CERKL: variants seen among roughly 807,000 people sequenced by gnomAD.
The protein encoded by CERKL is CERK like autophagy regulator.
CERKL carries 61 observed loss-of-function variants against 63.4 expected under a neutral mutation model. The ratio of observed to expected loss-of-function variants is 0.96; its 90% CI spans 0.78 to 1.19. CERKL has a LOEUF of 1.19. Among genes scored for constraint, CERKL ranks in the 50% most tolerant of loss-of-function variants. The pLI, the probability that CERKL is intolerant of heterozygous loss-of-function variation, is 0.00. For missense variants in CERKL, 675 were observed against 655.5 expected (o/e 1.03, Z -0.33); for synonymous variants, 250 against 230.5 (o/e 1.08, Z -0.77).
intron 2 of CERKL, among the ~76,000 whole-genome samples, chr2:181,589,775 C>T (rs559253958): frequency 2.6e-5 from 4 of 152,190 alleles, no homozygotes; most frequent in South Asian, 2.1e-4. Flanking sequence ...AATGCAAAAG[C>T]CAGAGCCAAT....
At chr2:181,634,604 G>A (rs953085562) in intron 1 of CERKL, among the ~76,000 whole-genome samples, 6 of 151,952 alleles carry the variant, frequency 3.9e-5, no homozygotes, top group African/African-American at 1.5e-4. Context: ...TCTTATAAAG[G>A]GACTTACCAA....
At chr2:181,586,348 A>G (rs1684766161) in intron 2 of CERKL, among the ~76,000 whole-genome samples, 1 of 152,176 alleles carries the variant, frequency 6.6e-6, no homozygotes, top group Non-Finnish European at 1.5e-5. Context: ...AACACAAGGC[A>G]TCAGGTAGTC....
At chr2:181,556,174 T>C (rs193057901) in intron 5 of CERKL, among the ~76,000 whole-genome samples, 119 of 152,208 alleles carry the variant, frequency 7.8e-4, no homozygotes, top group African/African-American at 2.6e-3. Context: ...TGCCAGGCTA[T>C]TGAGTACCTC....
chr2:181,611,236 TAATA>T (rs1559104854), intron 1 of CERKL, among the ~76,000 whole-genome samples: 1 of 150,714 alleles, frequency 6.6e-6, no homozygotes, highest in Non-Finnish European at 1.5e-5. Context: ...AAAATAATAA[TAATA>T]AATAAAAATA....
At chr2:181,557,300 C>A (rs928796293) in intron 5 of CERKL, among the ~76,000 whole-genome samples, 2 of 152,166 alleles carry the variant, frequency 1.3e-5, no homozygotes, top group African/African-American at 4.8e-5. Context: ...GTGTTTTAGA[C>A]ACGAAGTCCT....
intron 2 of CERKL, among the ~76,000 whole-genome samples, chr2:181,574,403 T>C (rs1477828810): frequency 6.6e-6 from 1 of 152,152 alleles, no homozygotes; most frequent in African/African-American, 2.4e-5. Context: ...CAGTACCAAG[T>C]GCAGTGCATG....
chr2:181,549,070 CT>C (rs2105804584), intron 6 of CERKL, among the ~76,000 whole-genome samples: 1 of 152,242 alleles, frequency 6.6e-6, no homozygotes, highest in Non-Finnish European at 1.5e-5. Context: ...ACACAGAGTA[CT>C]AAATTTTTCA....
intron 1 of CERKL, among the ~76,000 whole-genome samples, chr2:181,627,816 C>T (rs188289763): frequency 3.9e-5 from 6 of 152,240 alleles, no homozygotes; most frequent in Non-Finnish European, 2.9e-5. Flanking sequence ...CTAGATGTTG[C>T]GATAGCACAC....
chr2:181,579,675 T>C (rs1412255490), intron 2 of CERKL, among the ~76,000 whole-genome samples: 1 of 151,954 alleles, frequency 6.6e-6, no homozygotes, highest in Non-Finnish European at 1.5e-5. Flanking sequence ...AAGAGTCCCC[T>C]TTTGAGACTT....
At chr2:181,563,809 T>C (rs375684589) in intron 4 of CERKL, among the ~76,000 whole-genome samples, 1 of 152,174 alleles carries the variant, frequency 6.6e-6, no homozygotes, top group East Asian at 1.9e-4. Flanking sequence ...TATGTAATTC[T>C]AAGTACAGTG....
intron 2 of CERKL, among the ~76,000 whole-genome samples, chr2:181,590,994 CA>C (rs141614212): frequency 0.022 from 3,359 of 152,112 alleles, 113 homozygotes; most frequent in African/African-American, 0.077. Flanking sequence ...ATACTAGAAA[CA>C]GTCAAAATGT....
intron 1 of CERKL, among the ~76,000 whole-genome samples, chr2:181,638,223 A>G (rs1430745044): frequency 9.9e-5 from 15 of 152,210 alleles, no homozygotes; most frequent in Admixed American, 9.8e-4. Context: ...AGGTACACAT[A>G]GGGGAAGTTT....
At position 181,558,246 on chromosome 2, in the gene CERKL, C is replaced by T. The variant is rs1231771391; in HGVS notation, c.820+320G>A. ...CTGTGTAATCAACAGATTTTTTATG[C>T]GAAGGGAGAATAATAACCATTCCAT... On this transcript the variant is annotated intron_variant, in intron 5 of 12. Coordinates refer to ENST00000410087, the MANE Select transcript of CERKL (RefSeq NM_201548.5). The surrounding 1 kb of genome is among the most constrained non-coding windows in gnomAD (Gnocchi z 4.2). Among the ~76,000 whole-genome samples, 7 of 152,004 alleles carry T rather than the reference C, an allele frequency of 4.6e-5. No individual in the cohort carries two copies. The highest frequency in any genetic ancestry group is 7.3e-5 in the African/African-American group (3 of 41,360).
intron 2 of CERKL, among the ~76,000 whole-genome samples, chr2:181,597,877 A>AC (rs1685286454): frequency 6.6e-6 from 1 of 152,000 alleles, no homozygotes; most frequent in Non-Finnish European, 1.5e-5. Flanking sequence ...TAGAGATCTA[A>AC]CCCCCCTAGT....
chr2:181,639,255 T>C (rs1427741051), intron 1 of CERKL, among the ~76,000 whole-genome samples: 2 of 152,182 alleles, frequency 1.3e-5, no homozygotes, highest in Non-Finnish European at 2.9e-5. Context: ...ACTTCAATCA[T>C]TCCAGGGGAA....
intron 1 of CERKL, among the ~76,000 whole-genome samples, chr2:181,639,928 C>T (rs747313202): frequency 2.6e-5 from 4 of 152,202 alleles, no homozygotes; most frequent in Non-Finnish European, 5.9e-5. Context: ...TGCTGTGTAG[C>T]AGCAGTGGTA....
rs980750945 is a variant in CERKL at position 181,550,510 on chromosome 2, A to C, written c.821-802T>G. ...AGGCTAAAGAGAATTTAAAATTATT[A>C]AGAACAGAATGAATGAAGCTACAAT... On this transcript the variant is annotated intron_variant, in intron 5 of 12. Transcript: ENST00000410087. This position sits in a 1 kb window ranked among gnomAD's most constrained non-coding sequence, Gnocchi z 4.5. Among the ~76,000 whole-genome samples the C allele has an allele frequency of 6.6e-5, 10 of 152,320 alleles. No individual in the cohort carries two copies. Among genetic ancestry groups the C allele is most frequent in the African/African-American group, 2.2e-4 (9 of 41,582 alleles).
intron 2 of CERKL, among the ~76,000 whole-genome samples, chr2:181,597,673 T>C (rs910938828): frequency 6.6e-6 from 1 of 152,182 alleles, no homozygotes; most frequent in Non-Finnish European, 1.5e-5. Context: ...GGGGTTCCCA[T>C]ACTCCCCTCA....
At chr2:181,626,148 T>A (rs1686693491) in intron 1 of CERKL, among the ~76,000 whole-genome samples, 1 of 152,172 alleles carries the variant, frequency 6.6e-6, no homozygotes, top group Non-Finnish European at 1.5e-5. Flanking sequence ...TCAATTACTT[T>A]AAAGAGTATA....
Sources: gnomAD v4.1 joint callset for allele counts (sites outside exome capture counted in the v4.1 genomes callset) on GRCh38, gnomAD v4.1.1 for gene constraint, Gnocchi (gnomAD v3.1) non-coding constraint, MANE v1.5 for transcripts, NCBI Gene and HGNC (gene_info 2026-07-23, HGNC 2026-07-21) for gene names.